The following CTBP2 variants were observed in gnomAD, a reference collection of about 807,000 sequenced individuals.
The protein encoded by CTBP2 is C-terminal binding protein 2.
Under a neutral mutation model 80.3 loss-of-function variants are expected in CTBP2, and 30 were observed. That is an observed-to-expected ratio of 0.37 (90% CI 0.28 to 0.51). The LOEUF is 0.51. CTBP2 is among the 20% of genes least tolerant of loss of function. CTBP2 has a pLI of 0.93. For synonymous variants in CTBP2, 594 were observed against 587.4 expected (o/e 1.01, Z -0.16); for missense variants, 1,212 against 1,375.3 (o/e 0.88, Z 1.88).
At chr10:125,135,258 G>C (rs1355747019) in intron 1 of CTBP2, among the ~76,000 whole-genome samples, 1 of 152,074 alleles carries the variant, frequency 6.6e-6, no homozygotes, top group Non-Finnish European at 1.5e-5. Context: ...GTTCCCTGCA[G>C]CACCCGCTCC....
intron 1 of CTBP2, among the ~76,000 whole-genome samples, chr10:125,152,042 G>A (rs866706991): frequency 7.6e-4 from 115 of 152,250 alleles, no homozygotes; most frequent in African/African-American, 2.5e-3. Flanking sequence ...AGATACCGCG[G>A]CCCGCGGAGG....
At chr10:125,094,903 C>T (rs917456318) in intron 2 of CTBP2, among the ~76,000 whole-genome samples, 17 of 151,076 alleles carry the variant, frequency 1.1e-4, no homozygotes, top group Non-Finnish European at 1.6e-4. Flanking sequence ...ATAAGCAATA[C>T]GCTGAAAGGG....
At position 124,989,658 on chromosome 10, in the gene CTBP2, G is replaced by A. The variant is rs748365238; in HGVS notation, c.2818C>T (p.Pro940Ser). 11 of 1,605,384 alleles carry A rather than the reference G, an allele frequency of 6.9e-6. No individual in the cohort carries two copies. The highest frequency in any genetic ancestry group is 8.5e-6 in the Non-Finnish European group (10 of 1,175,290). Residue 940 changes from proline to serine, a missense_variant, in exon 9 of 9, where the codon CCT becomes TCT. Around this residue, in one of 3 missense-constraint regions of CTBP2, gnomAD observed 335 missense variants for 504.7 expected, o/e 0.66. Coordinates refer to ENST00000309035, the MANE Select transcript of CTBP2 (RefSeq NM_022802.3). Reference sequence around the variant, plus strand: ...GGGATGATCCCTTCCATGGCTGCAGGAAGTCCTCCTGGAGCCACACCCACG... The same window carrying A: ...GGGATGATCCCTTCCATGGCTGCAGAAAGTCCTCCTGGAGCCACACCCACG...
chr10:125,073,246 C>T (rs1355289239), intron 2 of CTBP2, among the ~76,000 whole-genome samples: 2 of 152,076 alleles, frequency 1.3e-5, no homozygotes, highest in Non-Finnish European at 2.9e-5. Context: ...CTGCATCTCT[C>T]TTTTTTTTGA....
intron 8 of CTBP2, among the ~76,000 whole-genome samples, chr10:124,992,279 A>G (rs1010926620): frequency 7.7e-5 from 10 of 130,684 alleles, no homozygotes; most frequent in African/African-American, 2.9e-4. Flanking sequence ...TCTGTGGCCT[A>G]GGCTGGAGTG....
chr10:125,117,428 T>C (rs2135991515), intron 1 of CTBP2, among the ~76,000 whole-genome samples: 1 of 152,112 alleles, frequency 6.6e-6, no homozygotes, highest in South Asian at 2.1e-4. Flanking sequence ...TTCAGGCTGC[T>C]ACCATGACAG....
upstream of CTBP2, among the ~76,000 whole-genome samples, chr10:125,030,740 C>T (rs562718175): frequency 8.5e-5 from 13 of 152,298 alleles, no homozygotes; most frequent in Non-Finnish European, 1.8e-4. Flanking sequence ...TGTTGTCACC[C>T]GCCCACTTGG....
At chr10:125,121,228 CCACAGCGGGAAGCACAGGCAATACCAATG>C (rs1479984693) in intron 1 of CTBP2, among the ~76,000 whole-genome samples, 1 of 152,228 alleles carries the variant, frequency 6.6e-6, no homozygotes, top group African/African-American at 2.4e-5. Flanking sequence ...CCTCATGGGG[CCACAGCGGGAAGCACAGGCAATACCAATG>C]CACAGCGCTC....
At chr10:125,146,630 T>C (rs911962474) in intron 1 of CTBP2, among the ~76,000 whole-genome samples, 2 of 152,106 alleles carry the variant, frequency 1.3e-5, no homozygotes, top group African/African-American at 4.8e-5. Context: ...AAGAAACTGC[T>C]GGTCCATGAA....
chr10:125,023,190 C>T (rs1166724230), intron 1 of CTBP2, among the ~76,000 whole-genome samples: 1 of 152,192 alleles, frequency 6.6e-6, no homozygotes, highest in African/African-American at 2.4e-5. Context: ...CACATGTGCC[C>T]CCATTAATCC....
At chr10:124,990,967 T>C (rs900850389) in intron 8 of CTBP2, among the ~76,000 whole-genome samples, 1 of 152,212 alleles carries the variant, frequency 6.6e-6, no homozygotes, top group Non-Finnish European at 1.5e-5. Context: ...GCTACTCAAT[T>C]ATGGCAGCCA....
In CTBP2 at chr10:124,986,586, TAG is replaced by T; in HGVS notation, c.*2930_*2931del. The stretch of plus-strand genomic sequence containing the variant: ...AAAATGATTTTTTAGTACGATTCTG[TAG>T]AAATGAATCTTTGATATAATGTAAA... On this transcript the variant is annotated 3_prime_UTR_variant, in exon 9 of 9. Coordinates refer to ENST00000309035, the MANE Select transcript of CTBP2 (RefSeq NM_022802.3). 6.6e-6 allele frequency: 1 copy of T among 152,332 alleles called. No individual in the cohort carries two copies. The highest frequency in any genetic ancestry group is 2.1e-4 in the South Asian group (1 of 4,832). The allele number at this position is 152,332 out of a possible 1,614,324, so 9.4% of individuals were successfully genotyped here.
intron 2 of CTBP2, among the ~76,000 whole-genome samples, chr10:125,053,475 C>A (rs1238971579): frequency 6.6e-6 from 1 of 152,198 alleles, no homozygotes; most frequent in East Asian, 1.9e-4. Context: ...CCTCTCCAGG[C>A]CCCTCCCAGA....
chr10:125,053,928 C>T (rs138761226), intron 2 of CTBP2, among the ~76,000 whole-genome samples: 37 of 152,326 alleles, frequency 2.4e-4, no homozygotes, highest in African/African-American at 8.9e-4. Context: ...AGGTTGCACA[C>T]ACATTATCTC....
intron 2 of CTBP2, among the ~76,000 whole-genome samples, chr10:125,087,368 A>G (rs1152657): frequency 0.67 from 102,437 of 151,936 alleles, 35,012 homozygotes; most frequent in African/African-American, 0.77. Flanking sequence ...CACCGCGCCC[A>G]GCCAAGGGAC....
intron 2 of CTBP2, among the ~76,000 whole-genome samples, chr10:125,063,581 G>A (rs1436295889): frequency 3.9e-5 from 6 of 152,156 alleles, no homozygotes; most frequent in Non-Finnish European, 8.8e-5. Context: ...CTCCCCTACA[G>A]TAGTAAAAAT....
At position 125,027,071 on chromosome 10, in the gene CTBP2, G is replaced by C. The variant is rs570334092; in HGVS notation, c.689C>G (p.Thr230Arg). The change falls in exon 1 of 9, where the codon ACG (threonine) becomes AGG (arginine). Residue 230 changes from threonine (T) to arginine (R), a missense_variant. Transcript: ENST00000309035. Reference sequence around the variant, plus strand: ...TGAACTGGGGTCCACAACCAGGCACGTCGGGGCCACCTGTCTGGCAGGGGC... The same window carrying C: ...TGAACTGGGGTCCACAACCAGGCACCTCGGGGCCACCTGTCTGGCAGGGGC... 6.2e-7 allele frequency: 1 copy of C among 1,612,338 alleles called. No homozygotes were observed. Among genetic ancestry groups the C allele is most frequent in the East Asian group, 2.2e-5 (1 of 44,840 alleles).
intron 1 of CTBP2, among the ~76,000 whole-genome samples, chr10:125,114,657 T>C (rs1432485515): frequency 1.3e-5 from 2 of 152,182 alleles, no homozygotes; most frequent in African/African-American, 4.8e-5. Flanking sequence ...CAATGAGCCC[T>C]AAAAAGGTCT....
chr10:125,086,705 T>A (rs944209329), intron 2 of CTBP2, among the ~76,000 whole-genome samples: 1 of 150,124 alleles, frequency 6.7e-6, no homozygotes, highest in Non-Finnish European at 1.5e-5. Context: ...TGGGCCCTCA[T>A]CAGACATCGA....
Sources: allele counts gnomAD v4.1 joint callset (sites outside exome capture counted in the v4.1 genomes callset), GRCh38; gene constraint gnomAD v4.1.1; regional missense constraint gnomAD v4.1.1; transcripts MANE v1.5; gene names NCBI Gene and HGNC (gene_info 2026-07-23, HGNC 2026-07-21).